The following SLC13A3 variants were observed in gnomAD, a reference collection of about 807,000 sequenced individuals.
SLC13A3 encodes the protein Na(+)/dicarboxylate cotransporter 3.
SLC13A3 carries 40 observed loss-of-function variants against 59.0 expected under a neutral mutation model. That is an observed-to-expected ratio of 0.68 (90% CI 0.53 to 0.88). The LOEUF (loss-of-function observed/expected upper bound fraction) is 0.88, where lower values mean the gene tolerates loss of function less well. Among genes scored for constraint, SLC13A3 ranks in the 40% least tolerant of loss-of-function variants. The probability of loss-of-function intolerance (pLI) is 0.00; values close to 1 mark genes in which losing one functional copy is unlikely to be tolerated. For synonymous variants in SLC13A3, 317 were observed against 330.3 expected (o/e 0.96, Z 0.44); for missense variants, 699 against 783.2 (o/e 0.89, Z 1.28).
At chr20:46,563,592 A>T in intron 11 of SLC13A3, 41 bp from the exon 12 acceptor site, 1 of 1,593,428 alleles carries the variant, frequency 6.3e-7, no homozygotes, top group Non-Finnish European at 8.5e-7. Flanking sequence ...AGAGAGACCA[A>T]CGCAGAGCGA....
chr20:46,605,897 G>C (rs185504292), intron 3 of SLC13A3, among the ~76,000 whole-genome samples: 18 of 152,288 alleles, frequency 1.2e-4, no homozygotes, highest in Non-Finnish European at 2.5e-4. Context: ...AAGCCCCCAA[G>C]TTAAGCAGGT....
At chr20:46,576,805 T>C (rs925339043) in intron 9 of SLC13A3, among the ~76,000 whole-genome samples, 2 of 152,224 alleles carry the variant, frequency 1.3e-5, no homozygotes, top group Non-Finnish European at 2.9e-5. Context: ...GAAATTTTGC[T>C]TCTCCTTTTG....
At chr20:46,572,444 C>A (rs551924056) in intron 10 of SLC13A3, among the ~76,000 whole-genome samples, 62 of 152,320 alleles carry the variant, frequency 4.1e-4, no homozygotes, top group Non-Finnish European at 6.9e-4. Flanking sequence ...TCAGCATGCC[C>A]AGCGTCCCGC....
chr20:46,592,593 G>A (rs2062271148), intron 5 of SLC13A3, 64 bp from the exon 6 acceptor site: 2 of 1,574,344 alleles, frequency 1.3e-6, no homozygotes, highest in Non-Finnish European at 1.7e-6. Context: ...GAGTGGGAGA[G>A]GGGACCAGGC....
chr20:46,608,588 T>TA (rs146025291), intron 3 of SLC13A3: 14 of 239,532 alleles, frequency 5.8e-5, no homozygotes, highest in Admixed American at 1.5e-4. Context: ...AAAGTACATA[T>TA]AATCATTTCT....
At position 46,612,290 on chromosome 20, in the gene SLC13A3, C is replaced by A. The variant is rs551533945; in HGVS notation, c.377+1170G>T. Among the ~76,000 whole-genome samples the A allele has an allele frequency of 5.3e-5, 8 of 152,076 alleles. No homozygotes were observed. The South Asian group carries it at 6.2e-4, about 12-fold the overall frequency. On this transcript the variant is annotated intron_variant, in intron 2 of 12. Transcript: ENST00000279027. ...GGGATCACAGGCATGCGCCACCACG[C>A]CCAGTGAATTTTTTGTATTTTTGGT...
intron 9 of SLC13A3, chr20:46,583,348 T>C: frequency 8.1e-7 from 1 of 1,227,860 alleles, no homozygotes; most frequent in Non-Finnish European, 1.0e-6. Flanking sequence ...CAAAAACAGA[T>C]AGCAGGCTGG....
chr20:46,674,605 G>C (rs1467882779), upstream of SLC13A3, among the ~76,000 whole-genome samples: 2 of 40,570 alleles, frequency 4.9e-5, no homozygotes, highest in Non-Finnish European at 9.4e-5. Flanking sequence ...GCGCGCGCGC[G>C]TGTGTGTGTG....
chr20:46,584,198 A>G lies in SLC13A3; in HGVS notation c.1122-529T>C, dbSNP rs905136836. 26 of 985,398 alleles carry G rather than the reference A, an allele frequency of 2.6e-5. No homozygotes were observed. The South Asian group carries it at 8.9e-4, about 34-fold the overall frequency. 61.0% of individuals were successfully genotyped at this position (985,398 alleles called of 1,614,324 possible). Reference sequence around the variant, plus strand: ...TGTCCTTTAGGGGAGTTTTGCGCACATTAAGCCCTCGGGGCAGGCACTTTC... The same window carrying G: ...TGTCCTTTAGGGGAGTTTTGCGCACGTTAAGCCCTCGGGGCAGGCACTTTC... On this transcript the variant is annotated intron_variant, in intron 8 of 12. Transcript: ENST00000279027.
At chr20:46,570,936 C>T (rs375708501) in intron 10 of SLC13A3, among the ~76,000 whole-genome samples, 18 of 152,098 alleles carry the variant, frequency 1.2e-4, no homozygotes, top group African/African-American at 3.6e-4. Flanking sequence ...AAAACATACC[C>T]GGGTGTGGGT....
At chr20:46,601,637 GC>G (rs1379420940) in intron 3 of SLC13A3, among the ~76,000 whole-genome samples, 1 of 152,230 alleles carries the variant, frequency 6.6e-6, no homozygotes, top group Non-Finnish European at 1.5e-5. Flanking sequence ...AAAGAACAAG[GC>G]AGGGAAGGAG....
chr20:46,669,273 C>T (rs533950356), intron 1 of SLC13A3, among the ~76,000 whole-genome samples: 1 of 152,022 alleles, frequency 6.6e-6, no homozygotes, highest in Non-Finnish European at 1.5e-5. Context: ...CCACCCCCCT[C>T]GTGGACCCCC....
At position 46,559,664 on chromosome 20, in the gene SLC13A3, C is replaced by A; in HGVS notation, c.*358G>T. On this transcript the variant is annotated 3_prime_UTR_variant, in exon 13 of 13. Coordinates refer to ENST00000279027, the MANE Select transcript of SLC13A3 (RefSeq NM_022829.6). ...CACTGGGGGATAATGTTAGCTGTGC[C>A]CATGGGAATGAATGGCCTCCTATCC... The A allele has an allele frequency of 5.2e-6, 1 of 190,688 alleles. No homozygotes were observed. Among genetic ancestry groups the A allele is most frequent in the African/African-American group, 2.3e-5 (1 of 43,076 alleles). The allele number at this position is 190,688 out of a possible 1,614,324, so 11.8% of individuals were successfully genotyped here. A position where few individuals can be genotyped will look rare whatever the true frequency, so the allele number is the denominator to read the frequency against.
chr20:46,568,851 C>T (rs1720967843), intron 10 of SLC13A3, among the ~76,000 whole-genome samples: 1 of 152,250 alleles, frequency 6.6e-6, no homozygotes, highest in African/African-American at 2.4e-5. Context: ...AGCCAGCATC[C>T]TCGCAGCCAC....
At chr20:46,650,838 G>A (rs1293644504) in intron 1 of SLC13A3, among the ~76,000 whole-genome samples, 2 of 152,128 alleles carry the variant, frequency 1.3e-5, no homozygotes, top group African/African-American at 4.8e-5. Context: ...ACCAAGGTGG[G>A]AGAATTGCTT....
intron 10 of SLC13A3, among the ~76,000 whole-genome samples, chr20:46,566,873 A>G (rs1223980772): frequency 1.3e-5 from 2 of 151,172 alleles, no homozygotes; most frequent in Non-Finnish European, 2.9e-5. Flanking sequence ...ATCATATATA[A>G]AACACGTATC....
chr20:46,676,411 CTTTTTT>C (rs543970617), intron 1 of SLC13A3, among the ~76,000 whole-genome samples: 4 of 108,484 alleles, frequency 3.7e-5, no homozygotes, highest in Non-Finnish European at 5.5e-5. Flanking sequence ...TCTCTCAACT[CTTTTTT>C]TTTTTTTTTT....
At chr20:46,625,214 A>G (rs1364067302) in intron 1 of SLC13A3, among the ~76,000 whole-genome samples, 1 of 152,242 alleles carries the variant, frequency 6.6e-6, no homozygotes, top group Non-Finnish European at 1.5e-5. Flanking sequence ...CCCAGCTTCC[A>G]GCCTGTAGAG....
chr20:46,683,648 G>A (rs2063164373), intron 1 of SLC13A3, among the ~76,000 whole-genome samples: 1 of 152,160 alleles, frequency 6.6e-6, no homozygotes, highest in Admixed American at 6.5e-5. Context: ...TCTTGTAGCA[G>A]AGCGCTATTC....
Sources: allele counts gnomAD v4.1 joint callset (sites outside exome capture counted in the v4.1 genomes callset), GRCh38; gene constraint gnomAD v4.1.1; transcripts MANE v1.5; gene names NCBI Gene and HGNC (gene_info 2026-07-23, HGNC 2026-07-21).